DTL: variants seen among roughly 807,000 people sequenced by gnomAD.
The protein encoded by DTL is denticleless protein homolog.
A neutral mutation model predicts 87.0 loss-of-function variants in DTL; 46 were observed. The observed-to-expected ratio is 0.53, with a 90% CI of 0.42 to 0.68. DTL has a LOEUF of 0.68. Ranked by LOEUF, DTL falls within the 30% of genes least tolerant of loss-of-function variation. DTL has a pLI of 0.00. For synonymous variants in DTL, 308 were observed against 311.2 expected (o/e 0.99, Z 0.11); for missense variants, 737 against 869.4 (o/e 0.85, Z 1.91).
chr1:212,072,030 T>C lies in DTL; in HGVS notation c.923-71T>C. The C allele has an allele frequency of 3.8e-6, 4 of 1,040,202 alleles. No homozygotes were observed. In the Admixed American group the frequency reaches 5.3e-5, roughly 14 times the overall value. The allele number at this position is 1,040,202 out of a possible 1,614,324, so 64.4% of individuals were successfully genotyped here. ...CAGTGATAAAACTTGTTAGAATATATATGCTGTCTATATCCATTTGACCAC... is the reference window on the plus strand; with the variant it reads ...CAGTGATAAAACTTGTTAGAATATACATGCTGTCTATATCCATTTGACCAC... On this transcript the variant is annotated intron_variant, in intron 10 of 14. Coordinates refer to ENST00000366991, the MANE Select transcript of DTL (RefSeq NM_016448.4).
At chr1:212,093,850 T>C (rs929677432) in intron 13 of DTL, among the ~76,000 whole-genome samples, 3 of 152,148 alleles carry the variant, frequency 2.0e-5, no homozygotes, top group Admixed American at 2.0e-4. Context: ...CTCACCTAGG[T>C]CTGTGGGGAT....
At chr1:212,057,794 A>G (rs943379629) in intron 5 of DTL, among the ~76,000 whole-genome samples, 2 of 152,182 alleles carry the variant, frequency 1.3e-5, no homozygotes, top group Non-Finnish European at 2.9e-5. Context: ...AGACTGGGCA[A>G]ATAGACAAAT....
chr1:212,044,685 A>T lies in DTL; in HGVS notation c.204A>T (p.Ala68=). The T allele has an allele frequency of 6.2e-7, 1 of 1,612,126 alleles. No individual in the cohort carries two copies. The highest frequency in any genetic ancestry group is 8.5e-7 in the Non-Finnish European group (1 of 1,178,450). The change falls in exon 3 of 15, where the codon GCA becomes GCT. Residue 68 remains alanine, a synonymous_variant. Coordinates refer to ENST00000366991, the MANE Select transcript of DTL (RefSeq NM_016448.4). ...CTCCCAATATGGAACATGTACTAGCAGTTGCCAATGAAGAAGGCTTTGTTC... is the reference window on the plus strand; with the variant it reads ...CTCCCAATATGGAACATGTACTAGCTGTTGCCAATGAAGAAGGCTTTGTTC... ...SSAPNMEHVL[A]VANEEGFVRL...
chr1:212,078,052 C>G, intron 11 of DTL, 121 bp from the exon 12 acceptor site: 1 of 525,802 alleles, frequency 1.9e-6, no homozygotes, highest in African/African-American at 2.0e-5. Flanking sequence ...TATAGCTAGG[C>G]AGGTCTAGTG....
rs1180794164 is a variant in DTL, at chr1:212,044,749, T to A, written c.268T>A (p.Cys90Ser). 1 of 1,609,310 alleles carries A rather than the reference T, an allele frequency of 6.2e-7. No individual in the cohort carries two copies. Among genetic ancestry groups the A allele is most frequent in the Non-Finnish European group, 8.5e-7 (1 of 1,176,676 alleles). Reference sequence around the variant, plus strand: ...AGAATCACAAAGTTTCAGAAAGAAGTGCTTCAAAGGTAAGTCTAGGTCTAC... The same window carrying A: ...AGAATCACAAAGTTTCAGAAAGAAGAGCTTCAAAGGTAAGTCTAGGTCTAC... ...NTESQSFRKK[C>S]FKEWMAHWNA... The change falls in exon 3 of 15, where the codon TGC (cysteine) becomes AGC (serine). Residue 90 changes from cysteine to serine, a missense_variant. Coordinates refer to ENST00000366991, the MANE Select transcript of DTL (RefSeq NM_016448.4).
intron 13 of DTL, among the ~76,000 whole-genome samples, chr1:212,098,562 C>T (rs1282862178): frequency 6.6e-6 from 1 of 152,078 alleles, no homozygotes. Flanking sequence ...TGAGCTCAGA[C>T]TCCTTGGGCA....
At position 212,059,224 on chromosome 1, in the gene DTL, C is replaced by A. The variant is rs1299854068; in HGVS notation, c.461-3660C>A. ...AACCAGACAAGCACAAGGACACACA[C>A]AAAAAAACTACAGAACATACGGACA... On this transcript the variant is annotated intron_variant, in intron 5 of 14. Transcript: ENST00000366991. 2.6e-5 allele frequency among the ~76,000 whole-genome samples: 4 copies of A among 151,348 alleles called. No individual in the cohort carries two copies. In the South Asian group the frequency reaches 8.4e-4, roughly 32 times the overall value.
At chr1:212,041,735 C>T (rs1271369223) in intron 1 of DTL, among the ~76,000 whole-genome samples, 1 of 152,124 alleles carries the variant, frequency 6.6e-6, no homozygotes, top group African/African-American at 2.4e-5. Flanking sequence ...TGGTCTCGAT[C>T]TCCTGACCTC....
chr1:212,092,573 G>C (rs1655316911), intron 13 of DTL, among the ~76,000 whole-genome samples: 1 of 151,860 alleles, frequency 6.6e-6, no homozygotes, highest in African/African-American at 2.4e-5. Flanking sequence ...CTCCATCCTG[G>C]TTCCTGCAAA....
At chr1:212,086,285 C>G (rs906102851) in intron 13 of DTL, among the ~76,000 whole-genome samples, 3 of 152,044 alleles carry the variant, frequency 2.0e-5, no homozygotes, top group Non-Finnish European at 2.9e-5. Context: ...GTACTTTTCT[C>G]TCTCTCATTT....
chr1:212,101,424 C>A (rs1655622673), intron 14 of DTL, among the ~76,000 whole-genome samples: 1 of 152,138 alleles, frequency 6.6e-6, no homozygotes, highest in African/African-American at 2.4e-5. Context: ...CTTCATCATG[C>A]TCCAGGATAT....
Position 212,065,027 on chromosome 1 carries a change from G to T in DTL, c.637G>T (p.Val213Leu). ...GAATTCAAAAGGACTTGCTCCTTCTGTGGTAAGGTTTTACAGATGTATACA... is the reference window on the plus strand; with the variant it reads ...GAATTCAAAAGGACTTGCTCCTTCTTTGGTAAGGTTTTACAGATGTATACA... ...KQNSKGLAPS[V>L]DFQQSVTVVL... The change falls in exon 7 of 15, where the codon GTG becomes TTG. Residue 213 changes from valine (V) to leucine (L), a missense_variant and splice_region_variant. Val to Leu is a conservative substitution (Grantham distance 32). Coordinates refer to ENST00000366991, the MANE Select transcript of DTL (RefSeq NM_016448.4). 6.2e-7 allele frequency: 1 copy of T among 1,609,986 alleles called. No individual in the cohort carries two copies. The highest frequency in any genetic ancestry group is 8.5e-7 in the Non-Finnish European group (1 of 1,176,322).
At chr1:212,073,413 CATAGTTCCG>C (rs1387556770) in intron 11 of DTL, among the ~76,000 whole-genome samples, 1 of 152,134 alleles carries the variant, frequency 6.6e-6, no homozygotes, top group Admixed American at 6.5e-5. Context: ...TCATAGATCC[CATAGTTCCG>C]ATAGTATCAA....
chr1:212,066,768 T>G (rs759226663), intron 7 of DTL, 44 bp from the exon 8 acceptor site: 8 of 1,586,772 alleles, frequency 5.0e-6, no homozygotes, highest in South Asian at 3.4e-5. Flanking sequence ...TGGTAAAGAT[T>G]ATGATGCCCA....
At chr1:212,063,699 T>A (rs751326613) in intron 6 of DTL, among the ~76,000 whole-genome samples, 36 of 151,576 alleles carry the variant, frequency 2.4e-4, no homozygotes, top group Non-Finnish European at 4.3e-4. Flanking sequence ...TTTATTAAAA[T>A]TTTTTTTTGT....
chr1:212,063,954 G>C (rs1250172429), intron 6 of DTL, among the ~76,000 whole-genome samples: 1 of 149,768 alleles, frequency 6.7e-6, no homozygotes, highest in Non-Finnish European at 1.5e-5. Context: ...GTGCAGTGGC[G>C]TGATCTCATC....
chr1:212,063,689 T>C (rs890962393), intron 6 of DTL, among the ~76,000 whole-genome samples: 3 of 152,186 alleles, frequency 2.0e-5, no homozygotes, highest in Non-Finnish European at 4.4e-5. Flanking sequence ...TTTTAGTTAA[T>C]TTATTAAAAT....
In DTL at chr1:212,073,306, T is replaced by C. The variant is rs895935912; in HGVS notation, c.1035+1093T>C. ...CCATGACTAAGAATTAATTATCTTC[T>C]AGATTTCCCTGTAACTTCATAAATG... On this transcript the variant is annotated intron_variant, in intron 11 of 14. Coordinates refer to ENST00000366991, the MANE Select transcript of DTL (RefSeq NM_016448.4). Among the ~76,000 whole-genome samples the C allele has an allele frequency of 2.0e-5, 3 of 152,214 alleles. No homozygotes were observed. The East Asian group carries it at 5.8e-4, about 29-fold the overall frequency.
intron 1 of DTL, among the ~76,000 whole-genome samples, chr1:212,036,868 G>A (rs1206493865): frequency 1.3e-5 from 2 of 152,160 alleles, no homozygotes. Flanking sequence ...TGTGGAAAAC[G>A]AACCTGAGAA....
Sources: gnomAD v4.1 joint callset for allele counts (sites outside exome capture counted in the v4.1 genomes callset) on GRCh38, gnomAD v4.1.1 for gene constraint, MANE v1.5 for transcripts, NCBI Gene and HGNC (gene_info 2026-07-23, HGNC 2026-07-21) for gene names.